ATF7: variants seen among roughly 807,000 people sequenced by gnomAD.
The protein encoded by ATF7 is activating transcription factor 7.
A neutral mutation model predicts 50.4 loss-of-function variants in ATF7; 10 were observed. The ratio of observed to expected loss-of-function variants is 0.20; its 90% CI spans 0.12 to 0.34. The LOEUF (loss-of-function observed/expected upper bound fraction) is 0.34, where lower values mean the gene tolerates loss of function less well. Among genes scored for constraint, ATF7 ranks in the 10% least tolerant of loss-of-function variants. The pLI, the probability that ATF7 is intolerant of heterozygous loss-of-function variation, is 1.00. For missense variants in ATF7, 465 were observed against 613.9 expected (o/e 0.76, Z 2.56); for synonymous variants, 201 against 226.4 (o/e 0.89, Z 1.01).
intron 5 of ATF7, among the ~76,000 whole-genome samples, chr12:53,535,328 C>CAAAAAAAAAAAAAAAAAAAA (rs397938442): frequency 1.1e-3 from 69 of 64,852 alleles, no homozygotes; most frequent in East Asian, 3.4e-3. Flanking sequence ...GACTCTGCCT[C>CAAAAAAAAAAAAAAAAAAAA]AAAAAAAAAA....
chr12:53,514,674 T>G lies in ATF7; in HGVS notation c.*2463A>C, dbSNP rs1937618900. The G allele has an allele frequency of 6.6e-6, 1 of 152,022 alleles. No individual in the cohort carries two copies. The highest frequency in any genetic ancestry group is 2.4e-5 in the African/African-American group (1 of 41,364). 9.4% of individuals were successfully genotyped at this position (152,022 alleles called of 1,614,324 possible). A position where few individuals can be genotyped will look rare whatever the true frequency, so the allele number is the denominator to read the frequency against. ...GGTCCCGTACACATCTTCCCACTGA[T>G]AAAAATGAAGTTAGGACTAGATAAT... On this transcript the variant is annotated 3_prime_UTR_variant, in exon 12 of 12. Coordinates refer to ENST00000420353, the MANE Select transcript of ATF7 (RefSeq NM_006856.3).
intron 2 of ATF7, among the ~76,000 whole-genome samples, chr12:53,563,992 G>A (rs928638011): frequency 2.0e-5 from 3 of 152,194 alleles, no homozygotes; most frequent in Non-Finnish European, 2.9e-5. Flanking sequence ...TACTGCTGTT[G>A]TATGAAAGGA....
At position 53,514,099 on chromosome 12, in the gene ATF7, G is replaced by A. The variant is rs1220094316; in HGVS notation, c.*3038C>T. 13 of 152,022 alleles carry A rather than the reference G, an allele frequency of 8.6e-5. No individual in the cohort carries two copies. The highest frequency in any genetic ancestry group is 8.5e-4 in the Admixed American group (13 of 15,252). 9.4% of individuals were successfully genotyped at this position (152,022 alleles called of 1,614,324 possible). A position where few individuals can be genotyped will look rare whatever the true frequency, so the allele number is the denominator to read the frequency against. On this transcript the variant is annotated 3_prime_UTR_variant, in exon 12 of 12. Transcript: ENST00000420353. Reference sequence around the variant, plus strand: ...TTTTTTTGTTGGCCTCTCTAGTATTGTGGGAGGCTTTCTTAGACTTTTCAA... The same window carrying A: ...TTTTTTTGTTGGCCTCTCTAGTATTATGGGAGGCTTTCTTAGACTTTTCAA...
intron 2 of ATF7, among the ~76,000 whole-genome samples, chr12:53,560,948 CTTTTTTTTTTT>C (rs112538823): frequency 7.3e-6 from 1 of 137,768 alleles, no homozygotes; most frequent in Non-Finnish European, 1.6e-5. Flanking sequence ...TCTTTTCTTT[CTTTTTTTTTTT>C]TTTTTACACA....
At chr12:53,622,802 A>C (rs1165164964) in intron 1 of ATF7, among the ~76,000 whole-genome samples, 1 of 151,482 alleles carries the variant, frequency 6.6e-6, no homozygotes, top group Non-Finnish European at 1.5e-5. Context: ...GGGAGACCCA[A>C]TCTCTACAAA....
Position 53,524,423 on chromosome 12 carries a change from G to A in ATF7, c.1125+141C>T, listed in dbSNP as rs1448051921. The A allele has an allele frequency of 9.3e-6, 9 of 969,434 alleles. No individual in the cohort carries two copies. Among genetic ancestry groups the A allele is most frequent in the East Asian group, 7.9e-5 (3 of 38,130 alleles). The allele number at this position is 969,434 out of a possible 1,614,324, so 60.1% of individuals were successfully genotyped here. On this transcript the variant is annotated intron_variant, in intron 10 of 11. Coordinates refer to ENST00000420353, the MANE Select transcript of ATF7 (RefSeq NM_006856.3). The surrounding 1 kb of genome is among the most constrained non-coding windows in gnomAD (Gnocchi z 4.6). ...TATGAAAGAGATTTCAACTCTGACC[G>A]TTAAGAGATTCTTCATGGGACAACT... is the stretch of plus-strand genomic sequence containing the variant.
chr12:53,568,976 T>C (rs1341746995), intron 2 of ATF7, among the ~76,000 whole-genome samples: 1 of 151,754 alleles, frequency 6.6e-6, no homozygotes, highest in Non-Finnish European at 1.5e-5. Flanking sequence ...GGGCAATATA[T>C]ATTGAAATCC....
At chr12:53,545,983 G>C (rs987929234) in intron 3 of ATF7, among the ~76,000 whole-genome samples, 1 of 151,932 alleles carries the variant, frequency 6.6e-6, no homozygotes, top group Non-Finnish European at 1.5e-5. Context: ...ACCTGAGGTC[G>C]GGAGTTTGAG....
At chr12:53,602,178 T>C (rs1167261510) in intron 1 of ATF7, among the ~76,000 whole-genome samples, 1 of 152,084 alleles carries the variant, frequency 6.6e-6, no homozygotes, top group Non-Finnish European at 1.5e-5. Flanking sequence ...CATCCTTCCA[T>C]GAAAGAGAAA....
intron 9 of ATF7, among the ~76,000 whole-genome samples, chr12:53,530,568 ATTTTTTTATT>A (rs1771145391): frequency 6.6e-6 from 1 of 151,332 alleles, no homozygotes; most frequent in African/African-American, 2.4e-5. Flanking sequence ...ATTTTTTTAT[ATTTTTTTATT>A]TTTATTTATT....
At chr12:53,534,806 C>T (rs1939122600) in intron 5 of ATF7, 147 bp from the exon 6 acceptor site, 2 of 916,386 alleles carry the variant, frequency 2.2e-6, no homozygotes, top group East Asian at 2.8e-5. Flanking sequence ...GGATCAGGGA[C>T]CCATAACTCA....
In ATF7 at chr12:53,582,829, C is replaced by T. The variant is rs186400239; in HGVS notation, c.48+18124G>A. Among the ~76,000 whole-genome samples the T allele has an allele frequency of 2.0e-3, 298 of 152,250 alleles. 1 individual carries two copies. The highest frequency in any genetic ancestry group is 7.1e-3 in the African/African-American group (293 of 41,530). On this transcript the variant is annotated intron_variant, in intron 2 of 11. Coordinates refer to ENST00000420353, the MANE Select transcript of ATF7 (RefSeq NM_006856.3). The stretch of plus-strand genomic sequence containing the variant: ...CTCATCTCCTGACCTCGTGATCCGC[C>T]CACCTCGGCCTCCCAAAGTGCTGGG...
chr12:53,613,444 C>T (rs969576240), intron 1 of ATF7, among the ~76,000 whole-genome samples: 8 of 151,850 alleles, frequency 5.3e-5, no homozygotes, highest in Admixed American at 6.6e-5. Context: ...AAAAACTTAT[C>T]TCATAATTGC....
At chr12:53,546,343 T>C (rs920513122) in intron 3 of ATF7, among the ~76,000 whole-genome samples, 10 of 151,506 alleles carry the variant, frequency 6.6e-5, no homozygotes, top group African/African-American at 2.2e-4. Flanking sequence ...CCACTGCAGT[T>C]CACCCTAGTG....
chr12:53,540,352 CAAA>C (rs575991616), intron 4 of ATF7, among the ~76,000 whole-genome samples: 1 of 78,594 alleles, frequency 1.3e-5, no homozygotes. Flanking sequence ...GACTCCGTCT[CAAA>C]AAAAAAAAAA....
At position 53,531,873 on chromosome 12, in the gene ATF7, G is replaced by A; in HGVS notation, c.798C>T (p.His266=). Residue 266 remains histidine, a synonymous_variant, in exon 9 of 12, where the codon CAC becomes CAT. Transcript: ENST00000420353. ...AACCACCATTGATTGAGGAGACTTG[G>A]TGAGTTAGGGTGGCTTTCAGTCTCT... is the stretch of plus-strand genomic sequence containing the variant. The part of the protein sequence containing the change: ...AKMRLKATLT[H]QVSSINGGCG... The A allele has an allele frequency of 6.2e-7, 1 of 1,613,698 alleles. No individual in the cohort carries two copies. The highest frequency in any genetic ancestry group is 1.3e-5 in the African/African-American group (1 of 75,002).
rs1369869225 is a variant in ATF7, at chr12:53,512,303, T to A, written c.*4834A>T. 1 of 152,150 alleles carries A rather than the reference T, an allele frequency of 6.6e-6. No individual in the cohort carries two copies. Among genetic ancestry groups the A allele is most frequent in the African/African-American group, 2.4e-5 (1 of 41,420 alleles). 9.4% of individuals were successfully genotyped at this position (152,150 alleles called of 1,614,324 possible). A position where few individuals can be genotyped will look rare whatever the true frequency, so the allele number is the denominator to read the frequency against. ...GAGGGGAAAAGGGAAAAGACAGTTT[T>A]GTAACAAAAAACAAAATAGCCTGCA... is the stretch of plus-strand genomic sequence containing the variant. On this transcript the variant is annotated 3_prime_UTR_variant, in exon 12 of 12. Transcript: ENST00000420353.
At chr12:53,530,559 T>C (rs1938803475) in intron 9 of ATF7, among the ~76,000 whole-genome samples, 1 of 150,976 alleles carries the variant, frequency 6.6e-6, no homozygotes, top group Admixed American at 6.6e-5. Flanking sequence ...TGGTGTCTTA[T>C]TTTTTTATAT....
rs149325196 is a variant in ATF7 at position 53,591,796 on chromosome 12, C to T, written c.48+9157G>A. Among the ~76,000 whole-genome samples, 360 of 152,252 alleles carry T rather than the reference C, an allele frequency of 2.4e-3. 2 individuals are homozygous for T. Among genetic ancestry groups the T allele is most frequent in the Non-Finnish European group, 3.8e-3 (261 of 68,032 alleles). On this transcript the variant is annotated intron_variant, in intron 2 of 11. Transcript: ENST00000420353. ...GAGAGACCATGTCTTTGATAAGCAG[C>T]GGTGCAACTCTGACAGCCAATCTGC...
Sources: allele counts gnomAD v4.1 joint callset (sites outside exome capture counted in the v4.1 genomes callset), GRCh38; gene constraint gnomAD v4.1.1; non-coding constraint Gnocchi (gnomAD v3.1); transcripts MANE v1.5; gene names NCBI Gene and HGNC (gene_info 2026-07-23, HGNC 2026-07-21).